RCSD1: variants seen among roughly 807,000 people sequenced by gnomAD.
The protein encoded by RCSD1 is capZ-interacting protein.
RCSD1 carries 26 observed loss-of-function variants against 42.5 expected under a neutral mutation model. That is an observed-to-expected ratio of 0.61 (90% CI 0.45 to 0.85). The LOEUF (loss-of-function observed/expected upper bound fraction) is 0.85. Among genes scored for constraint, RCSD1 ranks in the 40% least tolerant of loss-of-function variants. The pLI is 0.00. For synonymous variants in RCSD1, 220 were observed against 212.2 expected (o/e 1.04, Z -0.32); for missense variants, 571 against 528.3 (o/e 1.08, Z -0.79).
chr1:167,665,815 A>G lies in RCSD1; in HGVS notation c.7-18085A>G, dbSNP rs1225154200. 2.1e-5 allele frequency among the ~76,000 whole-genome samples: 3 copies of G among 146,072 alleles called. No homozygotes were observed. In the South Asian group the frequency reaches 6.6e-4, roughly 32 times the overall value. On this transcript the variant is annotated intron_variant, in intron 1 of 6. Transcript: ENST00000367854. ...CTCATTATTAATAAATTTGATGAGC[A>G]CCTTTTTTTTTTTTGAGACAGAGTC...
intron 1 of RCSD1, among the ~76,000 whole-genome samples, chr1:167,678,378 C>T (rs1658999964): frequency 6.6e-6 from 1 of 152,114 alleles, no homozygotes; most frequent in African/African-American, 2.4e-5. Flanking sequence ...CATTGCCCAA[C>T]TAGCCCCACC....
rs752325055 is a variant in RCSD1, at chr1:167,685,443, G to A, written c.131G>A (p.Arg44Gln). The A allele has an allele frequency of 8.7e-6, 14 of 1,613,568 alleles. No individual in the cohort carries two copies. The highest frequency in any genetic ancestry group is 6.6e-5 in the South Asian group (6 of 91,026). Residue 44 changes from arginine to glutamine, a missense_variant, in exon 3 of 7, where the codon CGA (arginine) becomes CAA (glutamine). By Grantham distance (43) the Arg-to-Gln change is conservative. Transcript: ENST00000367854. ...CAGACACCAGCCAGTAAACCAACCC[G>A]AAGGAAACCGCCCTGTTCCCTCCCC... ...AKETPASKPT[R>Q]RKPPCSLPLF...
chr1:167,656,683 T>C (rs1272704860), intron 1 of RCSD1, among the ~76,000 whole-genome samples: 1 of 152,188 alleles, frequency 6.6e-6, no homozygotes, highest in East Asian at 1.9e-4. Context: ...GCCTTCCACA[T>C]AGTCATTTAC....
chr1:167,691,043 C>T (rs1659364081), intron 4 of RCSD1, among the ~76,000 whole-genome samples: 1 of 152,208 alleles, frequency 6.6e-6, no homozygotes, highest in Non-Finnish European at 1.5e-5. Flanking sequence ...GAGATCTCCA[C>T]TGTGGGTCAC....
intron 1 of RCSD1, among the ~76,000 whole-genome samples, chr1:167,633,358 A>C (rs1431107398): frequency 6.6e-6 from 1 of 152,226 alleles, no homozygotes; most frequent in South Asian, 2.1e-4. Context: ...TAGGTTCAGA[A>C]GAAGCCTTGG....
At chr1:167,675,580 T>C (rs1352639323) in intron 1 of RCSD1, among the ~76,000 whole-genome samples, 1 of 152,184 alleles carries the variant, frequency 6.6e-6, no homozygotes, top group Non-Finnish European at 1.5e-5. Context: ...GGACTTGATA[T>C]TTTGGTTCAG....
At position 167,697,141 on chromosome 1, in the gene RCSD1, C is replaced by T. The variant is rs540781711; in HGVS notation, c.517C>T (p.Arg173Ter). The T allele has an allele frequency of 3.7e-6, 6 of 1,613,948 alleles. No homozygotes were observed. The highest frequency in any genetic ancestry group is 1.7e-5 in the Admixed American group (1 of 59,974). The change falls in exon 6 of 7, where the codon CGA (arginine) becomes TGA (stop). Residue 173 changes from arginine (R) to a stop codon, truncating the protein, a stop_gained. Coordinates refer to ENST00000367854, the MANE Select transcript of RCSD1 (RefSeq NM_052862.4). LOFTEE classifies it high-confidence loss of function. ...AATAAAAAGGCGCCCTCCCTCCAGG[C>T]GATTCCGAAGGTCACAGTCAGACTG... ...GSIKRRPPSR[R>*]FRRSQSDCGE...
At chr1:167,700,763 A>C (rs1313374325) in intron 6 of RCSD1, among the ~76,000 whole-genome samples, 1 of 152,180 alleles carries the variant, frequency 6.6e-6, no homozygotes, top group African/African-American at 2.4e-5. Flanking sequence ...AGAGAAGGCA[A>C]ATACATGCCC....
chr1:167,694,356 C>G, intron 5 of RCSD1, 54 bp downstream of exon 5: 2 of 1,518,328 alleles, frequency 1.3e-6, no homozygotes, highest in Non-Finnish European at 1.8e-6. Flanking sequence ...TGGGCACTGG[C>G]ACCCCTGAAT....
chr1:167,694,417 T>C (rs945751447), intron 5 of RCSD1, 115 bp downstream of exon 5: 7 of 1,005,324 alleles, frequency 7.0e-6, no homozygotes, highest in Non-Finnish European at 1.0e-5. Flanking sequence ...GGAGTTACTG[T>C]CAGAGCTGCG....
intron 1 of RCSD1, among the ~76,000 whole-genome samples, chr1:167,642,631 G>A (rs1453428363): frequency 6.6e-6 from 1 of 152,196 alleles, no homozygotes; most frequent in Non-Finnish European, 1.5e-5. Flanking sequence ...CATGCCACCA[G>A]GAGTTGCAAC....
intron 1 of RCSD1, among the ~76,000 whole-genome samples, chr1:167,672,898 T>C (rs1488632495): frequency 6.6e-6 from 1 of 152,226 alleles, no homozygotes; most frequent in African/African-American, 2.4e-5. Flanking sequence ...CCTGTCCTTC[T>C]CTGTGTATGT....
rs192772676 is a variant in RCSD1, at chr1:167,647,835, C to T, written c.6+17406C>T. Among the ~76,000 whole-genome samples the T allele has an allele frequency of 1.8e-3, 275 of 152,286 alleles. 2 individuals carry two copies. Among genetic ancestry groups the T allele is most frequent in the Non-Finnish European group, 1.0e-3 (68 of 68,028 alleles). On this transcript the variant is annotated intron_variant, in intron 1 of 6. Transcript: ENST00000367854. ...GGACATTTTCTCTAGTTTCTAGTCA[C>T]TTTGTTTTAAAATACTAATTTGCTA...
rs1235499598 is a variant in RCSD1 at position 167,691,799 on chromosome 1, G to A, written c.270+1679G>A. 7.2e-5 allele frequency among the ~76,000 whole-genome samples: 11 copies of A among 152,300 alleles called. No individual in the cohort carries two copies. In the East Asian group the frequency reaches 1.7e-3, roughly 24 times the overall value. On this transcript the variant is annotated intron_variant, in intron 4 of 6. Coordinates refer to ENST00000367854, the MANE Select transcript of RCSD1 (RefSeq NM_052862.4). The stretch of plus-strand genomic sequence containing the variant: ...CTACCTGAAATTTAATTCAAACTGA[G>A]AAGCCCTGATTCCACCCGGCTGCAG...
At chr1:167,648,472 G>T (rs1658219975) in intron 1 of RCSD1, among the ~76,000 whole-genome samples, 1 of 152,174 alleles carries the variant, frequency 6.6e-6, no homozygotes, top group Non-Finnish European at 1.5e-5. Flanking sequence ...AGCGAGATGT[G>T]CCAGGTAGGA....
At chr1:167,656,116 A>G in intron 1 of RCSD1, among the ~76,000 whole-genome samples, 1 of 152,030 alleles carries the variant, frequency 6.6e-6, no homozygotes, top group Admixed American at 6.6e-5. Flanking sequence ...ATCTTTTAAA[A>G]CCCTCACAGA....
intron 6 of RCSD1, among the ~76,000 whole-genome samples, chr1:167,704,213 T>A (rs936339692): frequency 1.3e-5 from 2 of 152,234 alleles, no homozygotes; most frequent in Non-Finnish European, 2.9e-5. Context: ...TCCATTTATA[T>A]GCTGCCTAAG....
Position 167,637,014 on chromosome 1 carries a change from C to A in RCSD1, c.6+6585C>A, listed in dbSNP as rs59048694. Among the ~76,000 whole-genome samples, 800 of 152,308 alleles carry A rather than the reference C, an allele frequency of 5.3e-3. 19 individuals carry two copies. In the East Asian group the frequency reaches 0.071, roughly 13 times the overall value. ...AGAACTTGCAGTCTAAGAGGGGAGACAAACACCTAAACAGATTATTGCAGA... is the reference window on the plus strand; with the variant it reads ...AGAACTTGCAGTCTAAGAGGGGAGAAAAACACCTAAACAGATTATTGCAGA... On this transcript the variant is annotated intron_variant, in intron 1 of 6. Transcript: ENST00000367854.
chr1:167,680,383 C>T (rs552206111), intron 1 of RCSD1, among the ~76,000 whole-genome samples: 1 of 152,140 alleles, frequency 6.6e-6, no homozygotes, highest in East Asian at 1.9e-4. Flanking sequence ...CAGGCCCTGA[C>T]ACCAGCAGAC....
Sources: gnomAD v4.1 joint callset for allele counts (sites outside exome capture counted in the v4.1 genomes callset) on GRCh38, gnomAD v4.1.1 for gene constraint, MANE v1.5 for transcripts, NCBI Gene and HGNC (gene_info 2026-07-23, HGNC 2026-07-21) for gene names.